RTN4IP1: variants seen among roughly 807,000 people sequenced by gnomAD.
RTN4IP1 encodes reticulon 4 interacting protein 1.
A neutral mutation model predicts 46.6 loss-of-function variants in RTN4IP1; 32 were observed. That is an observed-to-expected ratio of 0.69 (90% CI 0.52 to 0.92). The LOEUF (loss-of-function observed/expected upper bound fraction) is 0.92, where lower values mean the gene tolerates loss of function less well. Among genes scored for constraint, RTN4IP1 ranks in the 40% least tolerant of loss-of-function variants. RTN4IP1 has a pLI of 0.00. For missense variants in RTN4IP1, 424 were observed against 485.8 expected (o/e 0.87, Z 1.20); for synonymous variants, 167 against 161.8 (o/e 1.03, Z -0.24).
intron 7 of RTN4IP1, among the ~76,000 whole-genome samples, chr6:106,584,046 G>A (rs1368838449): frequency 1.3e-5 from 2 of 152,212 alleles, no homozygotes; most frequent in Admixed American, 1.3e-4. Context: ...AAATGAAGAT[G>A]AGTACAAATC....
chr6:106,626,192 T>C (rs1382174806), intron 1 of RTN4IP1, among the ~76,000 whole-genome samples: 5 of 150,350 alleles, frequency 3.3e-5, no homozygotes, highest in Non-Finnish European at 5.9e-5. Context: ...TGCTGACAGG[T>C]GGGTAGCTTG....
At chr6:106,595,411 CTTA>C (rs1257849856) in intron 5 of RTN4IP1, among the ~76,000 whole-genome samples, 2 of 152,038 alleles carry the variant, frequency 1.3e-5, no homozygotes, top group Non-Finnish European at 2.9e-5. Flanking sequence ...GCTGTCAATG[CTTA>C]ATACCCATAT....
chr6:106,617,529 G>C (rs1399694227), intron 4 of RTN4IP1, among the ~76,000 whole-genome samples: 4 of 152,098 alleles, frequency 2.6e-5, no homozygotes, highest in Non-Finnish European at 1.5e-5. Context: ...ATAGCATGTG[G>C]TCACCTGGTT....
intron 8 of RTN4IP1, among the ~76,000 whole-genome samples, chr6:106,573,288 C>T (rs1434343121): frequency 6.6e-6 from 1 of 152,202 alleles, no homozygotes; most frequent in African/African-American, 2.4e-5. Context: ...GCTCCACTGG[C>T]AGGCATAAGT....
Position 106,629,241 on chromosome 6 carries a change from G to T in RTN4IP1, c.-220C>A. 1 of 577,834 alleles carries T rather than the reference G, an allele frequency of 1.7e-6. No homozygotes were observed. Among genetic ancestry groups the T allele is most frequent in the Non-Finnish European group, 3.1e-6 (1 of 325,996 alleles). 35.8% of individuals were successfully genotyped at this position (577,834 alleles called of 1,614,324 possible). A position where few individuals can be genotyped will look rare whatever the true frequency, so the allele number is the denominator to read the frequency against. ...TCGCATATGAAATGCTCGAATTAAC[G>T]TTCCAGTCAGTATTCTGTCCATTCT... On this transcript the variant is annotated 5_prime_UTR_variant, in exon 1 of 9. Coordinates refer to ENST00000369063, the MANE Select transcript of RTN4IP1 (RefSeq NM_032730.5).
At chr6:106,626,078 T>C (rs1322390125) in intron 1 of RTN4IP1, among the ~76,000 whole-genome samples, 2 of 151,314 alleles carry the variant, frequency 1.3e-5, no homozygotes, top group African/African-American at 4.9e-5. Context: ...CCAGAGTAGG[T>C]GAGGGGGATG....
intron 5 of RTN4IP1, 66 bp downstream of exon 5, chr6:106,602,808 G>A: frequency 9.2e-7 from 1 of 1,089,966 alleles, no homozygotes; most frequent in Non-Finnish European, 1.3e-6. Context: ...GAGAAATAAT[G>A]TATCTTAATT....
chr6:106,605,996 T>C (rs1325358517), intron 4 of RTN4IP1, among the ~76,000 whole-genome samples: 1 of 151,994 alleles, frequency 6.6e-6, no homozygotes, highest in Admixed American at 6.6e-5. Flanking sequence ...GGCATCCAAA[T>C]TGGAAAAGAG....
Position 106,571,763 on chromosome 6 carries a change from G to T in RTN4IP1, c.*233C>A. 2.2e-6 allele frequency: 1 copy of T among 455,572 alleles called. No individual in the cohort carries two copies. The highest frequency in any genetic ancestry group is 4.0e-6 in the Non-Finnish European group (1 of 253,064). 28.2% of individuals were successfully genotyped at this position (455,572 alleles called of 1,614,324 possible). On this transcript the variant is annotated 3_prime_UTR_variant, in exon 9 of 9. Coordinates refer to ENST00000369063, the MANE Select transcript of RTN4IP1 (RefSeq NM_032730.5). The stretch of plus-strand genomic sequence containing the variant: ...TGCCACAACAACCTGCAAAGCCAGT[G>T]TGAAGGAACAGCTTGAAAAAACTTC...
chr6:106,610,210 C>T (rs1365281742), intron 4 of RTN4IP1, among the ~76,000 whole-genome samples: 1 of 151,940 alleles, frequency 6.6e-6, no homozygotes, highest in Non-Finnish European at 1.5e-5. Context: ...TACAGGCGCC[C>T]ACCACCACAC....
intron 1 of RTN4IP1, 123 bp downstream of exon 1, chr6:106,628,625 T>C: frequency 1.1e-6 from 1 of 905,680 alleles, no homozygotes; most frequent in South Asian, 1.9e-5. Context: ...TTTGCAGAGG[T>C]ATTGTTAAAA....
chr6:106,583,104 C>T lies in RTN4IP1; in HGVS notation c.1083+224G>A, dbSNP rs181245791. 1.7e-3 allele frequency among the ~76,000 whole-genome samples: 257 copies of T among 152,300 alleles called. 1 individual carries two copies. Among genetic ancestry groups the T allele is most frequent in the African/African-American group, 5.9e-3 (246 of 41,554 alleles). On this transcript the variant is annotated intron_variant, in intron 8 of 8. Transcript: ENST00000369063. ...CATCTACTAAACCAAGGCGGTTTGACTAGATGAGAGAAGCTCTTGTGCAGA... is the reference window on the plus strand; with the variant it reads ...CATCTACTAAACCAAGGCGGTTTGATTAGATGAGAGAAGCTCTTGTGCAGA...
intron 7 of RTN4IP1, among the ~76,000 whole-genome samples, chr6:106,586,605 T>G (rs763180274): frequency 2.2e-4 from 33 of 152,138 alleles, no homozygotes; most frequent in South Asian, 6.2e-4. Context: ...CTTCTCAGAC[T>G]TAAGCAATCC....
chr6:106,601,933 T>C (rs982054893), intron 5 of RTN4IP1, among the ~76,000 whole-genome samples: 2 of 152,094 alleles, frequency 1.3e-5, no homozygotes, highest in Admixed American at 6.5e-5. Context: ...TTTCTTTTTT[T>C]AATATGATGT....
At chr6:106,606,974 G>A (rs575586804) in intron 4 of RTN4IP1, among the ~76,000 whole-genome samples, 1 of 152,102 alleles carries the variant, frequency 6.6e-6, no homozygotes, top group South Asian at 2.1e-4. Context: ...AACAGCAGGA[G>A]GCATCACCCT....
intron 5 of RTN4IP1, among the ~76,000 whole-genome samples, chr6:106,600,352 TG>T (rs1382626745): frequency 1.3e-5 from 2 of 151,718 alleles, no homozygotes; most frequent in African/African-American, 4.8e-5. Context: ...GAGCAGTCAC[TG>T]GGCCCCATCA....
intron 4 of RTN4IP1, among the ~76,000 whole-genome samples, chr6:106,613,584 A>G (rs979905468): frequency 6.6e-6 from 1 of 152,238 alleles, no homozygotes; most frequent in African/African-American, 2.4e-5. Flanking sequence ...AAAACGTGAA[A>G]TGCCTTGAAA....
intron 4 of RTN4IP1, among the ~76,000 whole-genome samples, chr6:106,612,966 G>A (rs1398497823): frequency 1.3e-5 from 2 of 152,176 alleles, no homozygotes; most frequent in African/African-American, 4.8e-5. Flanking sequence ...CTATATAGAA[G>A]TAACTGGCCT....
chr6:106,622,323 G>C (rs929971819), intron 2 of RTN4IP1, among the ~76,000 whole-genome samples: 2 of 152,208 alleles, frequency 1.3e-5, no homozygotes, highest in African/African-American at 4.8e-5. Context: ...AAAATTGTAA[G>C]AGGAAAAATT....
Sources: allele counts gnomAD v4.1 joint callset (sites outside exome capture counted in the v4.1 genomes callset), GRCh38; gene constraint gnomAD v4.1.1; transcripts MANE v1.5; gene names NCBI Gene and HGNC (gene_info 2026-07-23, HGNC 2026-07-21).